HERC2: variants seen among roughly 807,000 people sequenced by gnomAD.
The protein encoded by HERC2 is E3 ubiquitin-protein ligase HERC2.
A neutral mutation model predicts 537.7 loss-of-function variants in HERC2; 102 were observed. The ratio of observed to expected loss-of-function variants is 0.19; its 90% confidence interval spans 0.16 to 0.22. The LOEUF (loss-of-function observed/expected upper bound fraction) is 0.22, where lower values mean the gene tolerates loss of function less well. HERC2 is among the 10% of genes least tolerant of loss of function. The pLI is 1.00. For missense variants in HERC2, 4,236 were observed against 6,198.2 expected, an observed-to-expected ratio of 0.68 and a Z score of 10.63; for synonymous variants, 2,224 against 2,466.2, an observed-to-expected ratio of 0.90 and a Z score of 2.91.
chr15:28,261,661 A>T (rs948131489), intron 15 of HERC2, among the ~76,000 whole-genome samples: 1 of 152,204 alleles, frequency 6.6e-6, no homozygotes, highest in African/African-American at 2.4e-5. Flanking sequence ...TAGCTTTCCT[A>T]TACTAATGGA....
chr15:28,169,158 G>A (rs1894449994), intron 66 of HERC2, among the ~76,000 whole-genome samples: 1 of 152,234 alleles, frequency 6.6e-6, no homozygotes, highest in Non-Finnish European at 1.5e-5. Context: ...GAGCGAAGGG[G>A]ATGCTAAGTC....
chr15:28,170,536 G>GA (rs1389598257), intron 65 of HERC2, among the ~76,000 whole-genome samples: 5 of 152,278 alleles, frequency 3.3e-5, no homozygotes, highest in Admixed American at 2.0e-4. Flanking sequence ...GACTTCAGTA[G>GA]AAAATACAAA....
chr15:28,187,537 T>C (rs1041601107), intron 55 of HERC2, among the ~76,000 whole-genome samples: 1 of 152,132 alleles, frequency 6.6e-6, no homozygotes, highest in African/African-American at 2.4e-5. Flanking sequence ...TTCACCATGT[T>C]GGCTAGGCTG....
At position 28,210,991 on chromosome 15, in the gene HERC2, T is replaced by C; in HGVS notation, c.7069+11A>G. The stretch of plus-strand genomic sequence containing the variant: ...TTCTTATAAAGATTTAAGAACTTTT[T>C]AAAAAGACACCTGTGTGAACAGTTC... On this transcript the variant is annotated intron_variant, in intron 44 of 92. Coordinates refer to ENST00000261609, the MANE Select transcript of HERC2 (RefSeq NM_004667.6). 1.5e-6 allele frequency: 2 copies of C among 1,293,656 alleles called. No homozygotes were observed. The highest frequency in any genetic ancestry group is 2.2e-6 in the Non-Finnish European group (2 of 890,046). The allele number at this position is 1,293,656 out of a possible 1,614,324, so 80.1% of individuals were successfully genotyped here.
chr15:28,256,465 A>G, intron 17 of HERC2, 148 bp from the exon 18 acceptor site: 1 of 670,480 alleles, frequency 1.5e-6, no homozygotes, highest in Non-Finnish European at 2.5e-6. Flanking sequence ...GGACTAAAAA[A>G]ACTCTTACCC....
chr15:28,222,701 T>C (rs1900653672), intron 35 of HERC2, among the ~76,000 whole-genome samples: 1 of 152,178 alleles, frequency 6.6e-6, no homozygotes, highest in South Asian at 2.1e-4. Flanking sequence ...AGGAGGGCTC[T>C]CCCATTCCCT....
intron 21 of HERC2, 107 bp downstream of exon 21, chr15:28,248,445 G>T: frequency 1.3e-6 from 1 of 749,166 alleles, no homozygotes; most frequent in Non-Finnish European, 2.1e-6. Context: ...GGTGCATTTA[G>T]TAGTATAACA....
At chr15:28,208,783 G>A (rs1252720263) in intron 44 of HERC2, among the ~76,000 whole-genome samples, 1 of 152,174 alleles carries the variant, frequency 6.6e-6, no homozygotes, top group Non-Finnish European at 1.5e-5. Flanking sequence ...TTCAAAGGCT[G>A]CCCGTCCAGT....
chr15:28,231,940 G>C (rs1428260942), intron 30 of HERC2, among the ~76,000 whole-genome samples: 2 of 152,020 alleles, frequency 1.3e-5, no homozygotes, highest in African/African-American at 2.4e-5. Flanking sequence ...CCACGGATAT[G>C]AGATGGCAAA....
At chr15:28,120,847 A>G (rs931732806) in intron 86 of HERC2, among the ~76,000 whole-genome samples, 2 of 152,210 alleles carry the variant, frequency 1.3e-5, no homozygotes, top group South Asian at 2.1e-4. Context: ...ACGGCCCCCC[A>G]GCACCATCAG....
intron 55 of HERC2, among the ~76,000 whole-genome samples, chr15:28,188,278 CACG>C (rs1247191132): frequency 6.6e-6 from 1 of 152,156 alleles, no homozygotes; most frequent in East Asian, 1.9e-4. Flanking sequence ...CACGGTGGCT[CACG>C]CCTGTAATCC....
chr15:28,175,617 G>A lies in HERC2; in HGVS notation c.9726C>T (p.Asp3242=), dbSNP rs145255977. The stretch of plus-strand genomic sequence containing the variant: ...CCACCTGTGGTTTCCGCACGTGCAC[G>A]TCAGAGCCGTGGCCCAATCTGAAGT... The part of the protein sequence containing the change: ...GDYFRLGHGS[D]VHVRKPQVVE... Residue 3242 remains aspartate, a synonymous_variant, in exon 64 of 93, where the codon GAC becomes GAT. Transcript: ENST00000261609. The A allele has an allele frequency of 2.2e-4, 361 of 1,614,000 alleles. No individual in the cohort carries two copies. Among genetic ancestry groups the A allele is most frequent in the Non-Finnish European group, 2.8e-4 (334 of 1,180,032 alleles).
At position 28,214,572 on chromosome 15, in the gene HERC2, A is replaced by G; in HGVS notation, c.6358+83T>C. On this transcript the variant is annotated intron_variant, in intron 40 of 92. Coordinates refer to ENST00000261609, the MANE Select transcript of HERC2 (RefSeq NM_004667.6). ...ACTGCGCCGCTCTTCACCAGGGCAC[A>G]GGGAAGGGAAACGGCCACCCACCTG... 25 of 1,505,196 alleles carry G rather than the reference A, an allele frequency of 1.7e-5. No individual in the cohort carries two copies. In the South Asian group the frequency reaches 2.7e-4, roughly 16 times the overall value. The allele number at this position is 1,505,196 out of a possible 1,614,324, so 93.2% of individuals were successfully genotyped here.
intron 71 of HERC2, among the ~76,000 whole-genome samples, chr15:28,145,231 A>G (rs575077771): frequency 6.6e-6 from 1 of 152,364 alleles, no homozygotes; most frequent in East Asian, 1.9e-4. Flanking sequence ...AGCTCTCCCA[A>G]CAAAAGGCCT....
chr15:28,195,594 T>C (rs1180589536), intron 52 of HERC2, among the ~76,000 whole-genome samples: 2 of 152,032 alleles, frequency 1.3e-5, no homozygotes, highest in African/African-American at 4.8e-5. Flanking sequence ...AAATCTTATA[T>C]GGTTTCACCT....
Position 28,220,474 on chromosome 15 carries a change from A to C in HERC2, c.5823T>G (p.Asp1941Glu). The C allele has an allele frequency of 6.2e-7, 1 of 1,606,196 alleles. No individual in the cohort carries two copies. Among genetic ancestry groups the C allele is most frequent in the Non-Finnish European group, 8.5e-7 (1 of 1,179,786 alleles). ...LPAAAQPSAE[D>E]SDTEDDSEAE... ...CACCAGAGTCATCCTCTGTGTCCGA[A>C]TCCTCTGCTGAGGGCTGTGCAGCAG... Residue 1941 changes from aspartate (D) to glutamate (E), a missense_variant, in exon 37 of 93, where the codon GAT (aspartate) becomes GAG (glutamate). Around this residue, in one of 27 missense-constraint regions of HERC2, gnomAD observed 365 missense variants for 468.8 expected, o/e 0.78. Coordinates refer to ENST00000261609, the MANE Select transcript of HERC2 (RefSeq NM_004667.6).
chr15:28,296,192 T>A (rs535096758), intron 3 of HERC2, among the ~76,000 whole-genome samples: 1 of 152,164 alleles, frequency 6.6e-6, no homozygotes. Flanking sequence ...TCATCAAATG[T>A]GGGCCGGGCA....
chr15:28,126,000 C>T (rs1227352281), intron 83 of HERC2, among the ~76,000 whole-genome samples: 5 of 152,170 alleles, frequency 3.3e-5, no homozygotes, highest in Non-Finnish European at 7.4e-5. Flanking sequence ...TTAGCAGAGA[C>T]AGGGTTTCAC....
chr15:28,209,940 C>CTTTTT (rs1164101918), intron 44 of HERC2, among the ~76,000 whole-genome samples: 16 of 77,354 alleles, frequency 2.1e-4, no homozygotes, highest in South Asian at 6.5e-4. Context: ...AATACATTAT[C>CTTTTT]TTTTTTTTTT....
Sources: gnomAD v4.1 joint callset for allele counts (sites outside exome capture counted in the v4.1 genomes callset) on GRCh38, gnomAD v4.1.1 for gene constraint, gnomAD v4.1.1 regional missense constraint, MANE v1.5 for transcripts, NCBI Gene and HGNC (gene_info 2026-07-23, HGNC 2026-07-21) for gene names.